SOX5: variants seen among roughly 807,000 people sequenced by gnomAD.
The protein encoded by SOX5 is SRY-box transcription factor 5, also known as transcription factor SOX-5.
A neutral mutation model predicts 92.0 loss-of-function variants in SOX5; 9 were observed. The ratio of observed to expected loss-of-function variants is 0.10; its 90% confidence interval spans 0.06 to 0.17. The LOEUF is 0.17. Among genes scored for constraint, SOX5 ranks in the 10% least tolerant of loss-of-function variants. SOX5 has a pLI of 1.00. For missense variants in SOX5, 642 were observed against 944.5 expected (o/e 0.68, Z 4.20); for synonymous variants, 344 against 336.3 (o/e 1.02, Z -0.25).
Position 24,014,893 on chromosome 12 carries a change from G to C in SOX5, c.-1-118869C>G, listed in dbSNP as rs146598644. ...TTTCATTAAGTGCTTTTTGGGAGAA[G>C]GGGATTTAGAGGTAAAACTGCTGGC... On this transcript the variant is annotated intron_variant, in intron 4 of 4. Transcript: ENST00000446891. Among the ~76,000 whole-genome samples the C allele has an allele frequency of 2.2e-3, 336 of 152,200 alleles. 1 individual carries two copies. The highest frequency in any genetic ancestry group is 7.8e-3 in the African/African-American group (322 of 41,530).
At chr12:23,756,218 T>C (rs531167318) in intron 3 of SOX5, among the ~76,000 whole-genome samples, 1 of 151,024 alleles carries the variant, frequency 6.6e-6, no homozygotes, top group South Asian at 2.1e-4. Flanking sequence ...TGGTAAGATT[T>C]GCCAGTACTG....
At chr12:24,182,545 A>G (rs1024129833) in intron 4 of SOX5, among the ~76,000 whole-genome samples, 1 of 152,146 alleles carries the variant, frequency 6.6e-6, no homozygotes, top group Non-Finnish European at 1.5e-5. Flanking sequence ...GGAACCAAAA[A>G]GAAAAATACA....
chr12:24,353,160 C>G (rs529586908), intron 2 of SOX5, among the ~76,000 whole-genome samples: 8 of 152,310 alleles, frequency 5.3e-5, no homozygotes, highest in African/African-American at 1.9e-4. Flanking sequence ...TCAAATCTTA[C>G]CCGGCTCTAT....
intron 2 of SOX5, among the ~76,000 whole-genome samples, chr12:24,309,871 C>G (rs1205345137): frequency 6.6e-6 from 1 of 152,218 alleles, no homozygotes; most frequent in Non-Finnish European, 1.5e-5. Context: ...TCTTAACATG[C>G]CCTATCAGTA....
chr12:24,084,997 G>A (rs976041733), intron 4 of SOX5, among the ~76,000 whole-genome samples: 1 of 151,948 alleles, frequency 6.6e-6, no homozygotes, highest in African/African-American at 2.4e-5. Context: ...AAGAAGTGTT[G>A]TTAACATCAT....
intron 4 of SOX5, among the ~76,000 whole-genome samples, chr12:23,980,860 A>C (rs1166104766): frequency 3.3e-5 from 5 of 152,166 alleles, no homozygotes; most frequent in Non-Finnish European, 5.9e-5. Flanking sequence ...CTGGCAGCAG[A>C]TCAAGCTGTT....
chr12:24,560,887 C>T (rs576914397), intron 1 of SOX5, among the ~76,000 whole-genome samples: 7 of 152,188 alleles, frequency 4.6e-5, no homozygotes, highest in Admixed American at 1.3e-4. Context: ...GTGCCTACTT[C>T]ATTGGCCTGT....
intron 4 of SOX5, among the ~76,000 whole-genome samples, chr12:24,047,901 G>C (rs180705030): frequency 1.7e-4 from 26 of 152,210 alleles, no homozygotes; most frequent in Non-Finnish European, 3.2e-4. Flanking sequence ...AATGTTTTCT[G>C]GTTGTTAAAT....
At chr12:24,187,140 G>A (rs948724824) in intron 4 of SOX5, among the ~76,000 whole-genome samples, 1 of 152,084 alleles carries the variant, frequency 6.6e-6, no homozygotes, top group Non-Finnish European at 1.5e-5. Context: ...ATTCTACCTG[G>A]GGCTTTTACT....
chr12:24,171,216 TGTTTGTTTGTTTG>T (rs754786941), intron 4 of SOX5, among the ~76,000 whole-genome samples: 18 of 50,858 alleles, frequency 3.5e-4, no homozygotes, highest in African/African-American at 5.3e-4. Context: ...CAGTTTTTTT[TGTTTGTTTGTTTG>T]TTTTTTTTTT....
chr12:23,736,661 T>TAA (rs113044961), intron 5 of SOX5, among the ~76,000 whole-genome samples: 52 of 144,178 alleles, frequency 3.6e-4, no homozygotes, highest in African/African-American at 1.2e-3. Context: ...TGGAATATGG[T>TAA]AAAAAAAAAA....
intron 13 of SOX5, among the ~76,000 whole-genome samples, chr12:23,539,120 G>C (rs1361412789): frequency 6.6e-6 from 1 of 151,956 alleles, no homozygotes; most frequent in African/African-American, 2.4e-5. Flanking sequence ...TTTTCAATTA[G>C]AAGGGGAATT....
At chr12:23,851,787 T>C (rs1384889439) in intron 2 of SOX5, among the ~76,000 whole-genome samples, 2 of 152,020 alleles carry the variant, frequency 1.3e-5, no homozygotes, top group Non-Finnish European at 2.9e-5. Flanking sequence ...ATAATACCTT[T>C]GTAAAACTGA....
chr12:24,169,380 G>A (rs772440821), intron 4 of SOX5, among the ~76,000 whole-genome samples: 6 of 152,076 alleles, frequency 3.9e-5, no homozygotes, highest in African/African-American at 7.2e-5. Context: ...CTCTCAAGCA[G>A]GTCATAAAGA....
At chr12:23,934,493 T>C (rs1010127962) in intron 1 of SOX5, among the ~76,000 whole-genome samples, 5 of 149,052 alleles carry the variant, frequency 3.4e-5, no homozygotes, top group Non-Finnish European at 7.5e-5. Context: ...ATGTCTAATA[T>C]ATAAAATACA....
At chr12:23,740,249 T>C (rs897839432) in intron 5 of SOX5, among the ~76,000 whole-genome samples, 10 of 152,172 alleles carry the variant, frequency 6.6e-5, no homozygotes, top group Non-Finnish European at 1.0e-4. Context: ...CTTCTGACTT[T>C]CTCTGTTTCT....
chr12:23,909,482 G>T (rs906084964), intron 1 of SOX5, among the ~76,000 whole-genome samples: 1 of 152,090 alleles, frequency 6.6e-6, no homozygotes, highest in Non-Finnish European at 1.5e-5. Context: ...AACAAAAATT[G>T]TAAAAGTGTT....
intron 3 of SOX5, among the ~76,000 whole-genome samples, chr12:23,811,118 C>T (rs2095868627): frequency 6.6e-6 from 1 of 152,040 alleles, no homozygotes; most frequent in Non-Finnish European, 1.5e-5. Context: ...TTCTTATGAA[C>T]ACAAGTGTAT....
intron 4 of SOX5, among the ~76,000 whole-genome samples, chr12:24,126,093 TA>T (rs1304050459): frequency 6.6e-6 from 1 of 152,188 alleles, no homozygotes; most frequent in Non-Finnish European, 1.5e-5. Flanking sequence ...GCCTTCTCTG[TA>T]AATCCACTTC....
Sources: allele counts gnomAD v4.1 joint callset (sites outside exome capture counted in the v4.1 genomes callset), GRCh38; gene constraint gnomAD v4.1.1; transcripts MANE v1.5; gene names NCBI Gene and HGNC (gene_info 2026-07-23, HGNC 2026-07-21).